DPYSL4: variants seen among roughly 807,000 people sequenced by gnomAD.
DPYSL4 encodes dihydropyrimidinase-related protein 4.
A neutral mutation model predicts 63.4 loss-of-function variants in DPYSL4; 43 were observed. The ratio of observed to expected loss-of-function variants is 0.68; its 90% CI spans 0.53 to 0.88. DPYSL4 has a LOEUF of 0.88. DPYSL4 is among the 40% of genes least tolerant of loss of function. The pLI, the probability that DPYSL4 is intolerant of heterozygous loss-of-function variation, is 0.00. For synonymous variants in DPYSL4, 353 were observed against 331.7 expected, an observed-to-expected ratio of 1.06 and a Z score of -0.70; for missense variants, 733 against 819.5, an observed-to-expected ratio of 0.89 and a Z score of 1.29.
chr10:132,203,665 A>G, intron 12 of DPYSL4, 97 bp from the exon 13 acceptor site: 4 of 1,198,998 alleles, frequency 3.3e-6, no homozygotes, highest in Non-Finnish European at 4.6e-6. Context: ...CCAGCCCTCC[A>G]GCTGCCCATG....
intron 1 of DPYSL4, among the ~76,000 whole-genome samples, chr10:132,189,283 G>A (rs1174599551): frequency 6.6e-6 from 1 of 152,204 alleles, no homozygotes; most frequent in African/African-American, 2.4e-5. Context: ...CCAGCCCGTG[G>A]GCGCGTCCTT....
At chr10:132,192,345 G>C (rs1180385944) in intron 2 of DPYSL4, 1 of 1,033,274 alleles carries the variant, frequency 9.7e-7, no homozygotes, top group Non-Finnish European at 1.2e-6. Context: ...ACATCTATTA[G>C]CGCACCTGCT....
chr10:132,194,837 C>T lies in DPYSL4; in HGVS notation c.314-8C>T. ...TGGGGGAAGCTGCTGACCATGCTGC[C>T]TTCACAGTGGACCACGTCTTCCCCG... On this transcript the variant is annotated splice_polypyrimidine_tract_variant and splice_region_variant and intron_variant, in intron 3 of 13. Coordinates refer to ENST00000338492, the MANE Select transcript of DPYSL4 (RefSeq NM_006426.3). The T allele has an allele frequency of 6.2e-7, 1 of 1,611,538 alleles. No individual in the cohort carries two copies. The highest frequency in any genetic ancestry group is 8.5e-7 in the Non-Finnish European group (1 of 1,178,996).
At chr10:132,200,297 C>T (rs568099554) in intron 8 of DPYSL4, 59 bp from the exon 9 acceptor site, 24 of 1,596,626 alleles carry the variant, frequency 1.5e-5, no homozygotes, top group South Asian at 9.0e-5. Context: ...CAGCAGTTCT[C>T]GGGGCCCCAG....
At position 132,203,907 on chromosome 10, in the gene DPYSL4, A is replaced by C; in HGVS notation, c.1607A>C (p.Gln536Pro). 6.2e-7 allele frequency: 1 copy of C among 1,607,062 alleles called. No individual in the cohort carries two copies. Among genetic ancestry groups the C allele is most frequent in the Non-Finnish European group, 8.5e-7 (1 of 1,175,036 alleles). ...GTCCCTCCTGTGCGCAACCTACATCAGTCGGGGTTCAGCCTATCTGGTGAG... is the reference window on the plus strand; with the variant it reads ...GTCCCTCCTGTGCGCAACCTACATCCGTCGGGGTTCAGCCTATCTGGTGAG... Reference protein sequence around the residue: ...ISVPPVRNLHQSGFSLSGSQA... With the variant: ...ISVPPVRNLHPSGFSLSGSQA... Residue 536 changes from glutamine (Q) to proline (P), a missense_variant, in exon 13 of 14, where the codon CAG becomes CCG. Physicochemically the swap from Gln to Pro is moderately conservative, Grantham distance 76. Coordinates refer to ENST00000338492, the MANE Select transcript of DPYSL4 (RefSeq NM_006426.3).
intron 7 of DPYSL4, among the ~76,000 whole-genome samples, 155 bp downstream of exon 7, chr10:132,198,638 T>C (rs1474534962): frequency 6.6e-6 from 1 of 152,134 alleles, no homozygotes; most frequent in African/African-American, 2.4e-5. Context: ...TGCCAGGCAC[T>C]TGTCCTCCAT....
chr10:132,202,572 T>C, intron 11 of DPYSL4, 74 bp from the exon 12 acceptor site: 1 of 1,573,290 alleles, frequency 6.4e-7, no homozygotes, highest in South Asian at 1.2e-5. Context: ...GCCACAGTGC[T>C]CCAGCGGCTC....
chr10:132,204,519 G>A (rs1241686822), intron 13 of DPYSL4, among the ~76,000 whole-genome samples: 2 of 152,168 alleles, frequency 1.3e-5, no homozygotes, highest in African/African-American at 2.4e-5. Flanking sequence ...GAGGCCAGGG[G>A]CAGCCTTTCA....
At chr10:132,195,398 A>G (rs1364989117) in intron 4 of DPYSL4, among the ~76,000 whole-genome samples, 2 of 152,254 alleles carry the variant, frequency 1.3e-5, no homozygotes, top group Non-Finnish European at 2.9e-5. Context: ...AGATCAGTCT[A>G]TAAACAAGTT....
Position 132,200,339 on chromosome 10 carries a change from T to C in DPYSL4, c.812-17T>C, listed in dbSNP as rs767827864. On this transcript the variant is annotated splice_polypyrimidine_tract_variant and intron_variant, in intron 8 of 13. Coordinates refer to ENST00000338492, the MANE Select transcript of DPYSL4 (RefSeq NM_006426.3). ...CAGGTGGTCGGTGGGGCACCTCTCA[T>C]GGGCCTCGTGCTGCAGGGGTGGTCG... The C allele has an allele frequency of 3.0e-5, 48 of 1,612,508 alleles. 1 individual carries two copies. The Admixed American group carries it at 7.0e-4, about 24-fold the overall frequency.
rs12240647 is a variant in DPYSL4 at position 132,199,009 on chromosome 10, T to C, written c.811+38T>C. The C allele has an allele frequency of 8.8e-4, 1,408 of 1,591,914 alleles. 9 individuals are homozygous for C. In the African/African-American group the frequency reaches 0.015, roughly 18 times the overall value. On this transcript the variant is annotated intron_variant, in intron 8 of 13. Coordinates refer to ENST00000338492, the MANE Select transcript of DPYSL4 (RefSeq NM_006426.3). ...CCCCGCCTCTGATGCCGAGGGGCCA[T>C]GGTCTCGGCCTCCTGGGTGCAGCCC...
chr10:132,198,723 T>G, intron 7 of DPYSL4, 128 bp from the exon 8 acceptor site: 1 of 1,415,536 alleles, frequency 7.1e-7, no homozygotes, highest in South Asian at 1.4e-5. Flanking sequence ...AGCCCGAGGC[T>G]GGGCCGCTCC....
chr10:132,200,918 G>A lies in DPYSL4; in HGVS notation c.1045G>A (p.Ala349Thr), dbSNP rs147539286. Residue 349 changes from alanine to threonine, a missense_variant, in exon 10 of 14, where the codon GCG becomes ACG. Coordinates refer to ENST00000338492, the MANE Select transcript of DPYSL4 (RefSeq NM_006426.3). ...GAAGGCTGTGGGCAAGGACAACTTCGCGCTGATCCCCGAGGGCACCAACGG... is the reference window on the plus strand; with the variant it reads ...GAAGGCTGTGGGCAAGGACAACTTCACGCTGATCCCCGAGGGCACCAACGG... ...AQKAVGKDNF[A>T]LIPEGTNGIE... The A allele has an allele frequency of 3.1e-4, 507 of 1,613,266 alleles. No homozygotes were observed. Among genetic ancestry groups the A allele is most frequent in the Non-Finnish European group, 3.4e-4 (407 of 1,179,976 alleles).
Position 132,202,042 on chromosome 10 carries a change from G to A in DPYSL4, c.1207G>A (p.Val403Met). 1 of 1,613,078 alleles carries A rather than the reference G, an allele frequency of 6.2e-7. No individual in the cohort carries two copies. The highest frequency in any genetic ancestry group is 1.1e-5 in the South Asian group (1 of 91,026). The change falls in exon 11 of 14, where the codon GTG becomes ATG. Residue 403 changes from valine (V) to methionine (M), a missense_variant. By Grantham distance (21) the Val-to-Met change is conservative. Transcript: ENST00000338492. Reference sequence around the variant, plus strand: ...TTACCCAAGGAAGGGGCGAGTGGCTGTGGGCTCTGACGCTGACCTGGTCAT... The same window carrying A: ...TTACCCAAGGAAGGGGCGAGTGGCTATGGGCTCTGACGCTGACCTGGTCAT... ...NFYPRKGRVA[V>M]GSDADLVIWN...
At chr10:132,199,396 T>C (rs1035789253) in intron 8 of DPYSL4, among the ~76,000 whole-genome samples, 1 of 152,000 alleles carries the variant, frequency 6.6e-6, no homozygotes, top group Non-Finnish European at 1.5e-5. Context: ...GCAGAGAGCC[T>C]CAGGCCTGGG....
rs1052755931 is a variant in DPYSL4, at chr10:132,203,830, C to T, written c.1530C>T (p.Ala510=). The T allele has an allele frequency of 6.2e-7, 1 of 1,612,838 alleles. No individual in the cohort carries two copies. Among genetic ancestry groups the T allele is most frequent in the African/African-American group, 1.3e-5 (1 of 75,072 alleles). ...DGPVHEVMVP[A]KPGSGAPARA... is the part of the protein sequence containing the mutation. ...CCGTCCACGAGGTGATGGTGCCTGC[C>T]AAGCCAGGGAGTGGCGCTCCGGCCC... is the stretch of plus-strand genomic sequence containing the variant. The change falls in exon 13 of 14, where the codon GCC becomes GCT. Residue 510 remains alanine, a synonymous_variant. Transcript: ENST00000338492.
At chr10:132,196,079 GCA>G (rs139637014) in intron 4 of DPYSL4, among the ~76,000 whole-genome samples, 17,364 of 152,288 alleles carry the variant, frequency 0.11, 1,334 homozygotes, top group Non-Finnish European at 0.16. Flanking sequence ...GGCTTGTGGG[GCA>G]CAGTGTGACT....
intron 8 of DPYSL4, 107 bp from the exon 9 acceptor site, chr10:132,200,249 A>T: frequency 7.2e-7 from 1 of 1,394,172 alleles, no homozygotes; most frequent in Non-Finnish European, 9.9e-7. Context: ...AAGCTGTCCC[A>T]GGCAAGGAAA....
At chr10:132,189,069 C>T (rs1393625366) in intron 1 of DPYSL4, among the ~76,000 whole-genome samples, 1 of 152,254 alleles carries the variant, frequency 6.6e-6, no homozygotes, top group Non-Finnish European at 1.5e-5. Context: ...TTGTGCACTT[C>T]AGTTTAATGC....
Sources: allele counts gnomAD v4.1 joint callset (sites outside exome capture counted in the v4.1 genomes callset), GRCh38; gene constraint gnomAD v4.1.1; transcripts MANE v1.5; gene names NCBI Gene and HGNC (gene_info 2026-07-23, HGNC 2026-07-21).